Variants in SPRY3 observed in about 807,000 individuals in gnomAD.
SPRY3 encodes the protein sprouty RTK signaling antagonist 3.
A neutral mutation model predicts 20.2 loss-of-function variants in SPRY3; 15 were observed. The observed-to-expected ratio is 0.74, with a 90% CI of 0.50 to 1.14. SPRY3 has a LOEUF of 1.14. Ranked by LOEUF, SPRY3 falls within the 50% of genes most tolerant of loss-of-function variation. The pLI is 0.00. For missense variants in SPRY3, 364 were observed against 363.9 expected, an observed-to-expected ratio of 1.00 and a Z score of 0.00; for synonymous variants, 143 against 136.5, an observed-to-expected ratio of 1.05 and a Z score of -0.33.
intron 2 of SPRY3, among the ~76,000 whole-genome samples, chrX:155,705,918 T>C (rs967682936): frequency 6.6e-5 from 10 of 151,306 alleles, no homozygotes; most frequent in African/African-American, 2.4e-4. Flanking sequence ...AATCCACAAT[T>C]ATAGCTGAAC....
intron 2 of SPRY3, among the ~76,000 whole-genome samples, chrX:155,691,356 A>G (rs987550369): frequency 7.9e-5 from 7 of 88,195 alleles, no homozygotes; most frequent in Non-Finnish European, 1.5e-4. Context: ...TTGATTGCTG[A>G]AAATTTCAAA....
intron 2 of SPRY3, among the ~76,000 whole-genome samples, chrX:155,761,751 C>G (rs2091305162): frequency 6.8e-6 from 1 of 147,614 alleles, no homozygotes; most frequent in South Asian, 2.1e-4. Flanking sequence ...AGTAGCCATT[C>G]TGACTGGTGT....
intron 2 of SPRY3, among the ~76,000 whole-genome samples, chrX:155,733,780 G>A (rs1216896126): frequency 1.3e-5 from 2 of 152,060 alleles, no homozygotes; most frequent in Non-Finnish European, 2.9e-5. Context: ...ACCTTTAACA[G>A]TTTTCTGAGC....
chrX:155,651,616 TAG>T (rs2067977767), intron 1 of SPRY3, among the ~76,000 whole-genome samples: 2 of 112,070 alleles, frequency 1.8e-5, no homozygotes, highest in Non-Finnish European at 3.8e-5. Flanking sequence ...ATTTTATCCT[TAG>T]AGTTTTTGCA....
At chrX:155,663,878 G>A (rs1192687828) in intron 2 of SPRY3, among the ~76,000 whole-genome samples, 1 of 111,254 alleles carries the variant, frequency 9.0e-6, no homozygotes, top group Non-Finnish European at 1.9e-5. Flanking sequence ...TGCAAACACA[G>A]TGAATTATTT....
chrX:155,730,497 T>A (rs780777223), intron 2 of SPRY3, among the ~76,000 whole-genome samples: 42 of 152,276 alleles, frequency 2.8e-4, no homozygotes, highest in African/African-American at 9.1e-4. Context: ...CGCTTCATTA[T>A]AAAATCCCTT....
At chrX:155,709,002 C>T (rs1163648881) in intron 2 of SPRY3, among the ~76,000 whole-genome samples, 1 of 151,468 alleles carries the variant, frequency 6.6e-6, no homozygotes, top group Non-Finnish European at 1.5e-5. Context: ...ATGACAGGAT[C>T]TCATTATTTT....
At chrX:155,751,785 A>G (rs1380733498) in intron 2 of SPRY3, among the ~76,000 whole-genome samples, 1 of 151,642 alleles carries the variant, frequency 6.6e-6, no homozygotes, top group Non-Finnish European at 1.5e-5. Context: ...ACTTTGTTGA[A>G]GATTGGACAT....
chrX:155,613,538 ATGGGAAATTGTG>A (rs2067839045), intron 1 of SPRY3, among the ~76,000 whole-genome samples: 1 of 112,211 alleles, frequency 8.9e-6, no homozygotes. Flanking sequence ...TATACTGAAA[ATGGGAAATTGTG>A]CAGTATTATA....
chrX:155,619,435 T>G (rs1264547399), intron 1 of SPRY3, among the ~76,000 whole-genome samples: 1 of 111,039 alleles, frequency 9.0e-6, no homozygotes, highest in Non-Finnish European at 1.9e-5. Context: ...TTACTTTAAT[T>G]TTTTTATATC....
chrX:155,754,799 T>G (rs1361685682), intron 2 of SPRY3, among the ~76,000 whole-genome samples: 1 of 152,044 alleles, frequency 6.6e-6, no homozygotes, highest in Non-Finnish European at 1.5e-5. Flanking sequence ...GTGTATGTCT[T>G]GTATTTTTTT....
chrX:155,628,441 A>C (rs1557350144), intron 1 of SPRY3, among the ~76,000 whole-genome samples: 4 of 112,418 alleles, frequency 3.6e-5, no homozygotes, highest in Admixed American at 1.9e-4. Context: ...CCATCTGACA[A>C]AGGTCTAATA....
intron 2 of SPRY3, among the ~76,000 whole-genome samples, chrX:155,707,614 C>T (rs1390864650): frequency 4.6e-5 from 7 of 150,904 alleles, no homozygotes; most frequent in Non-Finnish European, 4.5e-5. Flanking sequence ...TGTATTAGGG[C>T]TCTGTTGTTA....
At chrX:155,657,233 G>C (rs1430912709) in intron 2 of SPRY3, among the ~76,000 whole-genome samples, 2 of 112,016 alleles carry the variant, frequency 1.8e-5, no homozygotes, top group Non-Finnish European at 3.8e-5. Flanking sequence ...CCTTCCCCCA[G>C]GTGCTCTGTC....
intron 2 of SPRY3, among the ~76,000 whole-genome samples, chrX:155,751,317 G>C (rs1305595136): frequency 6.6e-6 from 1 of 151,890 alleles, no homozygotes; most frequent in Non-Finnish European, 1.5e-5. Flanking sequence ...CCTACAATTA[G>C]ATGCCAAGAA....
At chrX:155,747,537 C>A (rs1407344788) in intron 2 of SPRY3, among the ~76,000 whole-genome samples, 3 of 151,972 alleles carry the variant, frequency 2.0e-5, no homozygotes, top group Non-Finnish European at 4.4e-5. Context: ...ATATTGCCCA[C>A]TCTTTTAAGC....
chrX:155,674,132 T>TA lies in SPRY3; in HGVS notation c.-282+17113dup, dbSNP rs782246545. Reference sequence around the variant, plus strand: ...CAATCTTTTTACATTATGACACAGATAAAAAACGGCATTTGTATATTTCAC... The same window carrying TA: ...CAATCTTTTTACATTATGACACAGATAAAAAAACGGCATTTGTATATTTCAC... On this transcript the variant is annotated intron_variant, in intron 2 of 3. Transcript: ENST00000675360. 4.5e-5 allele frequency among the ~76,000 whole-genome samples: 5 copies of TA among 111,358 alleles called. No homozygotes were observed. In the East Asian group the frequency reaches 1.1e-3, roughly 25 times the overall value.
downstream of SPRY3, chrX:155,777,636 T>TATATATGTAA (rs1556247243): frequency 1.4e-5 from 1 of 70,360 alleles, no homozygotes; most frequent in Non-Finnish European, 2.6e-5. Flanking sequence ...CTTCTGTGAT[T>TATATATGTAA]ATATATATTC....
chrX:155,758,113 G>A (rs1179723754), intron 2 of SPRY3, among the ~76,000 whole-genome samples: 28 of 152,148 alleles, frequency 1.8e-4, no homozygotes, highest in Admixed American at 1.8e-3. Context: ...AGCAGACTGT[G>A]AGTAATGAGA....
Sources: allele counts gnomAD v4.1 joint callset (sites outside exome capture counted in the v4.1 genomes callset), GRCh38; gene constraint gnomAD v4.1.1; transcripts MANE v1.5; gene names NCBI Gene and HGNC (gene_info 2026-07-23, HGNC 2026-07-21).